Variants in NEBL observed in about 807,000 individuals in gnomAD.
NEBL encodes LIM and SH3 protein 2.
Under a neutral mutation model 140.2 loss-of-function variants are expected in NEBL, and 122 were observed. The ratio of observed to expected loss-of-function variants is 0.87; its 90% CI spans 0.75 to 1.01. The LOEUF is 1.01. Among genes scored for constraint, NEBL ranks in the 50% least tolerant of loss-of-function variants. The pLI is 0.00. For synonymous variants in NEBL, 436 were observed against 398.9 expected (o/e 1.09, Z -1.11); for missense variants, 1,365 against 1,231.3 (o/e 1.11, Z -1.62).
At chr10:21,011,685 T>C (rs1457469003) in intron 3 of NEBL, among the ~76,000 whole-genome samples, 1 of 138,194 alleles carries the variant, frequency 7.2e-6, no homozygotes, top group Non-Finnish European at 1.5e-5. Context: ...TGGCATCTGT[T>C]GGCATCTGTG....
intron 2 of NEBL, among the ~76,000 whole-genome samples, chr10:21,050,548 G>A (rs968373112): frequency 2.0e-5 from 3 of 152,186 alleles, no homozygotes; most frequent in African/African-American, 7.2e-5. Flanking sequence ...CTGCAGTACG[G>A]GGAGAAGCAT....
Position 20,961,561 on chromosome 10 carries a change from G to A in NEBL, c.357+111C>T, listed in dbSNP as rs1230837693. 9.7e-6 allele frequency: 8 copies of A among 825,006 alleles called. No individual in the cohort carries two copies. The East Asian group carries it at 9.7e-5, about 10-fold the overall frequency. The allele number at this position is 825,006 out of a possible 1,614,324, so 51.1% of individuals were successfully genotyped here. A position where few individuals can be genotyped will look rare whatever the true frequency, so the allele number is the denominator to read the frequency against. ...TTGGCATAGTCTATGCGTGCACTGA[G>A]TACTGCTTGCACCCCACAGCAACAC... On this transcript the variant is annotated intron_variant, in intron 4 of 6. Coordinates refer to the NEBL transcript ENST00000417816.
chr10:20,900,563 C>T (rs905661204), upstream of NEBL, among the ~76,000 whole-genome samples: 3 of 151,186 alleles, frequency 2.0e-5, 1 homozygote, highest in Middle Eastern at 6.4e-3. Flanking sequence ...GTGGTTCACG[C>T]CTGTAATCCT....
intron 3 of NEBL, among the ~76,000 whole-genome samples, chr10:21,205,232 A>G (rs1044194788): frequency 2.0e-5 from 3 of 152,226 alleles, no homozygotes; most frequent in Non-Finnish European, 2.9e-5. Context: ...TAAGATTACA[A>G]TATCTGCCCC....
At chr10:21,044,025 A>G (rs1834387697) in intron 2 of NEBL, among the ~76,000 whole-genome samples, 1 of 152,174 alleles carries the variant, frequency 6.6e-6, no homozygotes, top group Admixed American at 6.5e-5. Flanking sequence ...CTTCTACAGA[A>G]AGCTGATGTT....
intron 3 of NEBL, among the ~76,000 whole-genome samples, chr10:21,237,324 C>A (rs1287903725): frequency 6.6e-6 from 1 of 151,954 alleles, no homozygotes; most frequent in Non-Finnish European, 1.5e-5. Flanking sequence ...CCTGCCTCAG[C>A]CTCCCGAGTA....
rs778309181 is a variant in NEBL, at chr10:20,888,218, A to G, written c.259-11T>C. On this transcript the variant is annotated splice_polypyrimidine_tract_variant and intron_variant, in intron 3 of 27. Transcript: ENST00000377122. ...GCCTTTGTATTTTGCCTGGGGGAAA[A>G]AAAAACAGGAAAAAAATAAATAAAT... The G allele has an allele frequency of 5.7e-6, 8 of 1,395,034 alleles. No homozygotes were observed. Among genetic ancestry groups the G allele is most frequent in the South Asian group, 3.6e-5 (3 of 83,902 alleles). The allele number at this position is 1,395,034 out of a possible 1,614,324, so 86.4% of individuals were successfully genotyped here.
chr10:20,965,590 C>G (rs373407564), intron 3 of NEBL, among the ~76,000 whole-genome samples: 1 of 152,200 alleles, frequency 6.6e-6, no homozygotes, highest in African/African-American at 2.4e-5. Flanking sequence ...GGGCTTTGCA[C>G]GCCCTGAGGA....
intron 3 of NEBL, among the ~76,000 whole-genome samples, chr10:20,973,668 G>T (rs1466476003): frequency 6.6e-6 from 1 of 152,124 alleles, no homozygotes. Flanking sequence ...TTGTCAAGAG[G>T]TGCCATTTTT....
At chr10:20,850,535 G>A (rs200562329) in intron 10 of NEBL, 33 bp from the exon 11 acceptor site, 19 of 1,383,074 alleles carry the variant, frequency 1.4e-5, no homozygotes, top group East Asian at 6.9e-5. Context: ...TATACAAATC[G>A]AAAGTCCTTA....
chr10:20,918,706 A>T (rs1833431442), intron 4 of NEBL, among the ~76,000 whole-genome samples: 1 of 150,942 alleles, frequency 6.6e-6, no homozygotes, highest in Non-Finnish European at 1.5e-5. Context: ...AAAAAACTAT[A>T]CAGGCGTGGT....
chr10:21,044,257 C>T (rs561823422), intron 2 of NEBL, among the ~76,000 whole-genome samples: 210 of 152,002 alleles, frequency 1.4e-3, no homozygotes, highest in African/African-American at 4.4e-3. Flanking sequence ...ATTAGCTGGG[C>T]GTGGTGGTGG....
chr10:20,873,426 T>C (rs1845173480), intron 5 of NEBL, among the ~76,000 whole-genome samples: 2 of 152,012 alleles, frequency 1.3e-5, no homozygotes, highest in South Asian at 2.1e-4. Context: ...AATGTCTTGT[T>C]CCCTACTCTG....
chr10:21,251,799 T>C (rs1366480688), exon 2 of NEBL, among the ~76,000 whole-genome samples: 3 of 152,154 alleles, frequency 2.0e-5, no homozygotes, highest in Non-Finnish European at 2.9e-5. Flanking sequence ...TCTGCCAGCG[T>C]CTTGATCTTG....
At chr10:21,281,387 C>T (rs1842991757) in intron 1 of NEBL, among the ~76,000 whole-genome samples, 1 of 152,028 alleles carries the variant, frequency 6.6e-6, no homozygotes, top group Non-Finnish European at 1.5e-5. Flanking sequence ...GTCTCAAACT[C>T]CTTGCCTCAA....
chr10:21,021,202 T>C (rs914582773), intron 2 of NEBL, among the ~76,000 whole-genome samples: 4 of 152,352 alleles, frequency 2.6e-5, no homozygotes, highest in African/African-American at 9.6e-5. Context: ...CTTATATAAA[T>C]GTATATATGT....
Position 20,813,942 on chromosome 10 carries a change from T to G in NEBL, c.2343A>C (p.Ser781=), listed in dbSNP as rs1470960724. 6.3e-7 allele frequency: 1 copy of G among 1,579,236 alleles called. No homozygotes were observed. The highest frequency in any genetic ancestry group is 8.7e-7 in the Non-Finnish European group (1 of 1,148,556). The change falls in exon 23 of 28, where the codon TCA becomes TCC. Residue 781 remains serine (S), a synonymous_variant. Transcript: ENST00000377122. ...GAATGATCTGGTTGGACCCTACCATTGAAATATGATTTTGTGCTTCTTTAA... is the reference window on the plus strand; with the variant it reads ...GAATGATCTGGTTGGACCCTACCATGGAAATATGATTTTGTGCTTCTTTAA... The part of the protein sequence containing the change: ...RHVKEAQNHI[S]MVKYHEDFEK...
intron 2 of NEBL, among the ~76,000 whole-genome samples, chr10:21,117,390 T>C (rs2132034719): frequency 6.6e-6 from 1 of 152,262 alleles, no homozygotes; most frequent in Admixed American, 6.5e-5. Flanking sequence ...CTTGGTTAGA[T>C]CTCTTCTAAC....
intron 3 of NEBL, among the ~76,000 whole-genome samples, chr10:20,996,626 C>G (rs1162960114): frequency 6.6e-6 from 1 of 152,086 alleles, no homozygotes; most frequent in Non-Finnish European, 1.5e-5. Context: ...TAACTTGTTC[C>G]AAAACCCTCA....
Sources: gnomAD v4.1 joint callset for allele counts (sites outside exome capture counted in the v4.1 genomes callset) on GRCh38, gnomAD v4.1.1 for gene constraint, MANE v1.5 for transcripts, NCBI Gene and HGNC (gene_info 2026-07-23, HGNC 2026-07-21) for gene names.